Variants in DST observed in about 807,000 individuals in gnomAD.
DST encodes bullous pemphigoid antigen.
Under a neutral mutation model 875.2 loss-of-function variants are expected in DST, and 253 were observed. The observed-to-expected ratio is 0.29, with a 90% confidence interval of 0.26 to 0.32. The LOEUF (loss-of-function observed/expected upper bound fraction) is 0.32. Among genes scored for constraint, DST ranks in the 10% least tolerant of loss-of-function variants. The pLI is 1.00. For missense variants in DST, 8,287 were observed against 9,111.6 expected, an observed-to-expected ratio of 0.91 and a Z score of 3.68; for synonymous variants, 3,124 against 3,197.1, an observed-to-expected ratio of 0.98 and a Z score of 0.77.
chr6:56,516,070 A>T lies in DST; in HGVS notation c.18358-402T>A, dbSNP rs113319587. Among the ~76,000 whole-genome samples, 365 of 151,990 alleles carry T rather than the reference A, an allele frequency of 2.4e-3. 1 individual carries two copies. The highest frequency in any genetic ancestry group is 8.7e-3 in the African/African-American group (361 of 41,494). Reference sequence around the variant, plus strand: ...TTTAATTATATATATACACACACACATATATATGTGTATATGTGTATATAT... The same window carrying T: ...TTTAATTATATATATACACACACACTTATATATGTGTATATGTGTATATAT... On this transcript the variant is annotated intron_variant, in intron 71 of 103. Coordinates refer to ENST00000680361, the MANE Select transcript of DST (RefSeq NM_001374736.1).
rs529780045 is a variant in DST at position 56,784,137 on chromosome 6, T to C, written c.626-48848A>G. 2.6e-5 allele frequency among the ~76,000 whole-genome samples: 4 copies of C among 152,336 alleles called. No individual in the cohort carries two copies. In the South Asian group the frequency reaches 8.3e-4, roughly 32 times the overall value. ...TTCCCTTTGTGGGTAACTTGACCTT[T>C]CTCTCTGGTTCTCCTTAACATTTTT... On this transcript the variant is annotated intron_variant, in intron 4 of 103. Coordinates refer to ENST00000680361, the MANE Select transcript of DST (RefSeq NM_001374736.1).
intron 10 of DST, among the ~76,000 whole-genome samples, chr6:56,657,500 C>T (rs553381643): frequency 6.6e-6 from 1 of 152,044 alleles, no homozygotes; most frequent in African/African-American, 2.4e-5. Context: ...TGAAAAAACA[C>T]TGGACCACAG....
At chr6:56,495,106 G>A (rs1196394135) in intron 82 of DST, among the ~76,000 whole-genome samples, 1 of 150,810 alleles carries the variant, frequency 6.6e-6, no homozygotes, top group African/African-American at 2.5e-5. Context: ...TATTTCTTAA[G>A]CTTTAAAAAA....
At chr6:56,614,812 T>G (rs2098596494) in intron 36 of DST, 15 of 1,008,014 alleles carry the variant, frequency 1.5e-5, no homozygotes, top group Non-Finnish European at 1.8e-5. Flanking sequence ...TGCATTAGCA[T>G]TACAATCCTA....
chr6:56,617,882 A>G, intron 36 of DST: 5 of 954,350 alleles, frequency 5.2e-6, no homozygotes, highest in Non-Finnish European at 8.5e-6. Flanking sequence ...CAATGAGCCA[A>G]TCACATTCAA....
chr6:56,620,050 A>G (rs111932711), intron 36 of DST: 3 of 1,613,814 alleles, frequency 1.9e-6, no homozygotes, highest in Non-Finnish European at 2.5e-6. Context: ...CTCTACATGT[A>G]TACTGAATTT....
intron 10 of DST, among the ~76,000 whole-genome samples, chr6:56,664,985 G>A (rs886460046): frequency 3.3e-5 from 5 of 152,130 alleles, no homozygotes; most frequent in African/African-American, 1.2e-4. Context: ...AGAAGCTATA[G>A]AACTATCCCT....
At chr6:56,951,019 T>G (rs1239996469) in intron 2 of DST, among the ~76,000 whole-genome samples, 1 of 152,186 alleles carries the variant, frequency 6.6e-6, no homozygotes, top group Non-Finnish European at 1.5e-5. Context: ...CTGCAGAACT[T>G]TCCCAAAGCA....
intron 102 of DST, among the ~76,000 whole-genome samples, 182 bp downstream of exon 102, chr6:56,462,864 T>C (rs977564593): frequency 6.6e-6 from 1 of 152,240 alleles, no homozygotes; most frequent in Non-Finnish European, 1.5e-5. Context: ...CTATCTTTTC[T>C]GTTAACCCCT....
chr6:56,566,764 A>G (rs2097686354), intron 55 of DST, among the ~76,000 whole-genome samples: 1 of 152,214 alleles, frequency 6.6e-6, no homozygotes, highest in South Asian at 2.1e-4. Flanking sequence ...CTGACAAAAG[A>G]GCATCTGCCT....
chr6:56,892,840 G>C (rs1017170133), intron 3 of DST, among the ~76,000 whole-genome samples: 1 of 152,126 alleles, frequency 6.6e-6, no homozygotes, highest in Non-Finnish European at 1.5e-5. Flanking sequence ...GATGCCAGGA[G>C]ATATTCTAGA....
At chr6:56,506,393 AC>A in intron 77 of DST, 49 bp downstream of exon 77, 2 of 1,454,350 alleles carry the variant, frequency 1.4e-6, no homozygotes, top group Non-Finnish European at 1.9e-6. Flanking sequence ...ATCAATTAGT[AC>A]GATTCCTCCT....
At chr6:56,743,981 C>T (rs933761081) in intron 4 of DST, among the ~76,000 whole-genome samples, 1 of 151,938 alleles carries the variant, frequency 6.6e-6, no homozygotes, top group Non-Finnish European at 1.5e-5. Context: ...AACCCCATCT[C>T]TACTAAAAAT....
At position 56,517,127 on chromosome 6, in the gene DST, T is replaced by C. The variant is rs186019431; in HGVS notation, c.18357+71A>G. 2.3e-4 allele frequency: 255 copies of C among 1,099,194 alleles called. 2 individuals carry two copies. In the African/African-American group the frequency reaches 3.3e-3, roughly 14 times the overall value. 68.1% of individuals were successfully genotyped at this position (1,099,194 alleles called of 1,614,324 possible). On this transcript the variant is annotated intron_variant, in intron 71 of 103. Transcript: ENST00000680361. ...GCTGTGGATAACGGAGAAGTGTTTT[T>C]CTAGGACTGAAAGCTCAACACCTGC...
chr6:56,629,611 T>C (rs146872193), intron 31 of DST, among the ~76,000 whole-genome samples, 168 bp from the exon 32 acceptor site: 1 of 152,298 alleles, frequency 6.6e-6, no homozygotes, highest in African/African-American at 2.4e-5. Flanking sequence ...CCTTATGAAA[T>C]TTTCAATATT....
intron 2 of DST, among the ~76,000 whole-genome samples, chr6:56,908,230 T>C (rs1797313219): frequency 6.6e-6 from 1 of 152,126 alleles, no homozygotes; most frequent in Non-Finnish European, 1.5e-5. Context: ...AAGTCTATAA[T>C]GCTCCATTAA....
At chr6:56,539,849 C>T (rs539513235) in intron 61 of DST, among the ~76,000 whole-genome samples, 1 of 152,266 alleles carries the variant, frequency 6.6e-6, no homozygotes, top group East Asian at 1.9e-4. Flanking sequence ...GGATAGAGTA[C>T]TTTGCAGGCC....
chr6:56,570,881 G>A (rs1278919212), intron 53 of DST, among the ~76,000 whole-genome samples: 1 of 152,174 alleles, frequency 6.6e-6, no homozygotes, highest in Non-Finnish European at 1.5e-5. Flanking sequence ...ATGCCGGCAG[G>A]CACAGAACCA....
At position 56,904,884 on chromosome 6, in the gene DST, G is replaced by T. The variant is rs139839259; in HGVS notation, c.217-4263C>A. Among the ~76,000 whole-genome samples the T allele has an allele frequency of 9.2e-3, 1,402 of 152,268 alleles. 24 individuals are homozygous for T. The highest frequency in any genetic ancestry group is 0.032 in the African/African-American group (1,332 of 41,542). On this transcript the variant is annotated intron_variant, in intron 2 of 103. Coordinates refer to ENST00000680361, the MANE Select transcript of DST (RefSeq NM_001374736.1). ...GGCTCACTGCAACCGCCGCCTCCCG[G>T]GTTCAAGTGATTCTCCTGCCTCAGC... is the stretch of plus-strand genomic sequence containing the variant.
Sources: gnomAD v4.1 joint callset for allele counts (sites outside exome capture counted in the v4.1 genomes callset) on GRCh38, gnomAD v4.1.1 for gene constraint, MANE v1.5 for transcripts, NCBI Gene and HGNC (gene_info 2026-07-23, HGNC 2026-07-21) for gene names.